The following PPP1R7 variants were observed in gnomAD, a reference collection of about 807,000 sequenced individuals.
The protein encoded by PPP1R7 is protein phosphatase 1 regulatory subunit 7, also known as protein phosphatase 1 regulatory subunit 22.
Under a neutral mutation model 45.2 loss-of-function variants are expected in PPP1R7, and 18 were observed. The observed-to-expected ratio is 0.40, with a 90% CI of 0.28 to 0.59. The LOEUF (loss-of-function observed/expected upper bound fraction) is 0.59, where lower values mean the gene tolerates loss of function less well. Ranked by LOEUF, PPP1R7 falls within the 20% of genes least tolerant of loss-of-function variation. The probability of loss-of-function intolerance (pLI) is 0.46; values close to 1 mark genes in which losing one functional copy is unlikely to be tolerated. For missense variants in PPP1R7, 314 were observed against 455.8 expected, an observed-to-expected ratio of 0.69 and a Z score of 2.83; for synonymous variants, 181 against 183.4, an observed-to-expected ratio of 0.99 and a Z score of 0.11.
chr2:241,151,402 A>G, intron 1 of PPP1R7: 1 of 468,594 alleles, frequency 2.1e-6, no homozygotes, highest in Admixed American at 2.4e-5. Flanking sequence ...TGCAGCAGGA[A>G]GGCCTGACAT....
At chr2:241,164,119 G>A (rs1480452421) in intron 7 of PPP1R7, among the ~76,000 whole-genome samples, 1 of 152,018 alleles carries the variant, frequency 6.6e-6, no homozygotes, top group Non-Finnish European at 1.5e-5. Flanking sequence ...GTTTCCCTAT[G>A]TTGCCCAGGG....
intron 9 of PPP1R7, among the ~76,000 whole-genome samples, chr2:241,171,659 A>G (rs557769541): frequency 2.0e-4 from 30 of 152,308 alleles, no homozygotes; most frequent in South Asian, 8.3e-4. Context: ...ATAATTGTCA[A>G]TGGATCCATT....
At chr2:241,162,963 G>A (rs999182016) in intron 6 of PPP1R7, among the ~76,000 whole-genome samples, 5 of 152,084 alleles carry the variant, frequency 3.3e-5, no homozygotes, top group South Asian at 2.1e-4. Flanking sequence ...TTCCACGCCC[G>A]ACAGGGGGAC....
chr2:241,159,240 A>T lies in PPP1R7; in HGVS notation c.331A>T (p.Lys111Ter). The T allele has an allele frequency of 6.2e-7, 1 of 1,613,398 alleles. No individual in the cohort carries two copies. Among genetic ancestry groups the T allele is most frequent in the Non-Finnish European group, 8.5e-7 (1 of 1,179,552 alleles). ...TCTCTGCCTCCGCCAAAATTTAATT[A>T]AATGCATTGAGAATCTGGAGGAGCT... ...KTLCLRQNLI[K>*]CIENLEELQS... Residue 111 changes from lysine to a stop codon, truncating the protein, a stop_gained, in exon 5 of 10, where the codon AAA (lysine) becomes TAA (stop). Transcript: ENST00000234038. LOFTEE classifies it high-confidence loss of function.
chr2:241,178,483 G>A (rs1320732323), intron 9 of PPP1R7, among the ~76,000 whole-genome samples: 1 of 140,058 alleles, frequency 7.1e-6, no homozygotes, highest in Non-Finnish European at 1.5e-5. Context: ...TTGAGACAGA[G>A]TCTGGCTCTG....
In PPP1R7 at chr2:241,174,922, G is replaced by A. The variant is rs563386970; in HGVS notation, c.906+5055G>A. Among the ~76,000 whole-genome samples, 5 of 152,118 alleles carry A rather than the reference G, an allele frequency of 3.3e-5. No individual in the cohort carries two copies. In the South Asian group the frequency reaches 6.2e-4, roughly 19 times the overall value. On this transcript the variant is annotated intron_variant, in intron 9 of 9. Transcript: ENST00000234038. ...CATCTCCTGACCTCATGATCCGCCC[G>A]CCTTGGCCTCCCCAGGTGCTGGGAT...
At chr2:241,170,612 C>G (rs1043867354) in intron 9 of PPP1R7, among the ~76,000 whole-genome samples, 4 of 152,212 alleles carry the variant, frequency 2.6e-5, no homozygotes, top group Non-Finnish European at 4.4e-5. Flanking sequence ...TACATTCAGT[C>G]TAATCCAGGA....
At chr2:241,151,513 A>G (rs1236268651) in intron 1 of PPP1R7, 7 of 471,140 alleles carry the variant, frequency 1.5e-5, no homozygotes, top group African/African-American at 6.0e-5. Context: ...GAGGGAAAAG[A>G]GCAAGAATCA....
rs113450219 is a variant in PPP1R7, at chr2:241,171,037, G to T, written c.906+1170G>T. ...AAACAACAGGAATAAGGAGTCCAGA[G>T]ACAGAGGACCAGGTGATAGGGAAAG... On this transcript the variant is annotated intron_variant, in intron 9 of 9. Transcript: ENST00000234038. Among the ~76,000 whole-genome samples, 30 of 152,208 alleles carry T rather than the reference G, an allele frequency of 2.0e-4. 1 individual carries two copies. The highest frequency in any genetic ancestry group is 2.9e-5 in the Non-Finnish European group (2 of 68,036).
At chr2:241,158,449 G>A in intron 3 of PPP1R7, 35 bp from the exon 4 acceptor site, 5 of 1,608,012 alleles carry the variant, frequency 3.1e-6, no homozygotes, top group Non-Finnish European at 4.3e-6. Flanking sequence ...CAGCCACTTT[G>A]CTATAGCTGA....
At chr2:241,181,990 G>A (rs751565498) in intron 9 of PPP1R7, among the ~76,000 whole-genome samples, 2 of 149,134 alleles carry the variant, frequency 1.3e-5, no homozygotes, top group Admixed American at 1.3e-4. Context: ...GCGACAGAGC[G>A]AGACTCTGTC....
intron 6 of PPP1R7, among the ~76,000 whole-genome samples, chr2:241,162,127 A>C (rs1259583785): frequency 6.6e-6 from 1 of 152,154 alleles, no homozygotes; most frequent in Non-Finnish European, 1.5e-5. Flanking sequence ...AAAACTAGAG[A>C]GCAGCCCAGA....
intron 2 of PPP1R7, among the ~76,000 whole-genome samples, chr2:241,153,869 A>G (rs2067379776): frequency 6.6e-6 from 1 of 152,166 alleles, no homozygotes; most frequent in South Asian, 2.1e-4. Flanking sequence ...GGGTACTAGT[A>G]TGCCGTCTGA....
intron 9 of PPP1R7, 149 bp downstream of exon 9, chr2:241,170,016 A>T (rs2067786854): frequency 1.6e-6 from 1 of 628,944 alleles, no homozygotes; most frequent in Admixed American, 2.6e-5. Context: ...GCGCTCTTGT[A>T]GACTTGTATT....
intron 8 of PPP1R7, chr2:241,167,062 G>C (rs760150281): frequency 1.2e-6 from 2 of 1,611,640 alleles, no homozygotes; most frequent in South Asian, 1.1e-5. Context: ...ACAGCCTCAC[G>C]TACTGAGGGG....
intron 8 of PPP1R7, chr2:241,167,114 G>T (rs781321091): frequency 6.3e-7 from 1 of 1,581,944 alleles, no homozygotes; most frequent in South Asian, 1.1e-5. Flanking sequence ...GCTGCCTCCA[G>T]CTCACCCTGC....
rs2068045151 is a variant in PPP1R7 at position 241,183,452 on chromosome 2, G to A, written c.*629G>A. ...CCCGTCAGTTCTCGCCACATCCCTT[G>A]CCTGTGGGTGAAAGCTCAGGTGTGG... On this transcript the variant is annotated 3_prime_UTR_variant, in exon 10 of 10. Transcript: ENST00000234038. 1 of 471,050 alleles carries A rather than the reference G, an allele frequency of 2.1e-6. No individual in the cohort carries two copies. Among genetic ancestry groups the A allele is most frequent in the African/African-American group, 2.0e-5 (1 of 50,070 alleles). 29.2% of individuals were successfully genotyped at this position (471,050 alleles called of 1,614,324 possible).
intron 8 of PPP1R7, among the ~76,000 whole-genome samples, chr2:241,168,935 G>A (rs1559424862): frequency 6.6e-6 from 1 of 152,214 alleles, no homozygotes; most frequent in East Asian, 1.9e-4. Flanking sequence ...AACCAAGGAA[G>A]GGACTCAGGA....
intron 9 of PPP1R7, among the ~76,000 whole-genome samples, chr2:241,177,703 A>G (rs1349610382): frequency 1.3e-5 from 2 of 152,226 alleles, no homozygotes; most frequent in African/African-American, 4.8e-5. Context: ...GCTGACATCC[A>G]GGGCCTGGAG....
Sources: allele counts gnomAD v4.1 joint callset (sites outside exome capture counted in the v4.1 genomes callset), GRCh38; gene constraint gnomAD v4.1.1; transcripts MANE v1.5; gene names NCBI Gene and HGNC (gene_info 2026-07-23, HGNC 2026-07-21).